Variants in GPHN observed in about 807,000 individuals in gnomAD.
GPHN encodes gephyrin.
In GPHN, 17 loss-of-function variants were observed where a neutral mutation model predicts 95.5. The ratio of observed to expected loss-of-function variants is 0.18; its 90% confidence interval spans 0.12 to 0.27. GPHN has a LOEUF of 0.27. Among genes scored for constraint, GPHN ranks in the 10% least tolerant of loss-of-function variants. The pLI is 1.00. For synonymous variants in GPHN, 320 were observed against 322.5 expected, an observed-to-expected ratio of 0.99 and a Z score of 0.08; for missense variants, 660 against 978.1, an observed-to-expected ratio of 0.67 and a Z score of 4.34.
chr14:67,414,212 T>C, the GPHN span, among the ~76,000 whole-genome samples: 8 of 152,142 alleles, frequency 5.3e-5, no homozygotes, highest in African/African-American at 1.9e-4. Flanking sequence ...GGGAAAGAGA[T>C]GGATACCTTC....
the GPHN span, among the ~76,000 whole-genome samples, chr14:67,674,000 G>T: frequency 6.6e-6 from 1 of 152,190 alleles, no homozygotes; most frequent in East Asian, 1.9e-4. Flanking sequence ...TCCTCTGTCA[G>T]TCTGGTGAAA....
the GPHN span, among the ~76,000 whole-genome samples, chr14:67,437,551 C>T: frequency 7.2e-5 from 11 of 152,050 alleles, no homozygotes; most frequent in South Asian, 2.1e-4. Context: ...GGCGGCTGTA[C>T]GTCTGAGAAT....
At chr14:66,524,614 A>G (rs1026406725) in intron 1 of GPHN, among the ~76,000 whole-genome samples, 4 of 152,090 alleles carry the variant, frequency 2.6e-5, no homozygotes, top group Non-Finnish European at 5.9e-5. Flanking sequence ...TGTCATCTAC[A>G]TTAGGTATTT....
the GPHN span, among the ~76,000 whole-genome samples, chr14:67,371,876 CAATT>C: frequency 1.1e-4 from 16 of 152,032 alleles, no homozygotes; most frequent in Admixed American, 5.9e-4. Flanking sequence ...ATAGATAAAA[CAATT>C]AATATGTTTT....
At chr14:67,668,606 T>C in the GPHN span, among the ~76,000 whole-genome samples, 1 of 146,738 alleles carries the variant, frequency 6.8e-6, no homozygotes, top group Non-Finnish European at 1.5e-5. Context: ...CCAATAGGTA[T>C]CTATGAAGCA....
At chr14:67,404,977 T>A in the GPHN span, among the ~76,000 whole-genome samples, 1 of 152,048 alleles carries the variant, frequency 6.6e-6, no homozygotes, top group Non-Finnish European at 1.5e-5. Flanking sequence ...CTCACACCTG[T>A]AATCCCAGAA....
At chr14:66,592,542 T>C (rs12233063) in intron 1 of GPHN, among the ~76,000 whole-genome samples, 6 of 150,614 alleles carry the variant, frequency 4.0e-5, no homozygotes, top group Admixed American at 4.0e-4. Flanking sequence ...CCAAAAAACA[T>C]ATGAAAAAAG....
chr14:67,389,303 A>G, the GPHN span, among the ~76,000 whole-genome samples: 1 of 152,090 alleles, frequency 6.6e-6, no homozygotes, highest in East Asian at 1.9e-4. Flanking sequence ...CCCAGCCTGG[A>G]GGGTTCAAGG....
Position 66,658,883 on chromosome 14 carries a change from C to CT in GPHN, c.65-22213dup, listed in dbSNP as rs774854250. ...TTCTCTTTGTCAGTCTTAGAGGCAG[C>CT]TTTTTTTTTTTAAGATCCAGCTTTT... On this transcript the variant is annotated intron_variant, in intron 1 of 22. Transcript: ENST00000478722. 5.5e-3 allele frequency among the ~76,000 whole-genome samples: 782 copies of CT among 141,494 alleles called. 13 individuals are homozygous for CT. The highest frequency in any genetic ancestry group is 0.014 in the African/African-American group (553 of 39,172). The allele number at this position is 141,494 out of a possible 152,430, so 92.8% of individuals were successfully genotyped here. A position where few individuals can be genotyped will look rare whatever the true frequency, so the allele number is the denominator to read the frequency against.
chr14:66,755,189 A>T (rs1459124504), intron 2 of GPHN, among the ~76,000 whole-genome samples: 1 of 152,134 alleles, frequency 6.6e-6, no homozygotes, highest in African/African-American at 2.4e-5. Context: ...GGTATCAGGT[A>T]AAGTTCATGC....
At chr14:67,174,602 G>C (rs1042060320) in intron 21 of GPHN, among the ~76,000 whole-genome samples, 1 of 152,134 alleles carries the variant, frequency 6.6e-6, no homozygotes, top group Non-Finnish European at 1.5e-5. Flanking sequence ...ACCCAGTAAT[G>C]GGATGGCTGG....
At chr14:67,224,097 C>A in the GPHN span, 1 of 756,114 alleles carries the variant, frequency 1.3e-6, no homozygotes, top group Non-Finnish European at 1.6e-6. Flanking sequence ...ATCTCTCAAA[C>A]CTCTCAGCAG....
intron 19 of GPHN, 33 bp downstream of exon 19, chr14:67,159,521 G>T (rs1268448593): frequency 5.4e-6 from 7 of 1,301,860 alleles, no homozygotes; most frequent in South Asian, 2.4e-5. Flanking sequence ...TCATATATGG[G>T]GTTGGTTTGG....
chr14:67,279,712 C>T, the GPHN span: 1 of 541,878 alleles, frequency 1.8e-6, no homozygotes, highest in Non-Finnish European at 3.0e-6. Context: ...CTGTTACCAA[C>T]ATAGAGCTAA....
Position 66,530,998 on chromosome 14 carries a change from C to T in GPHN, c.64+22407C>T, listed in dbSNP as rs150980522. ...TGATACGGAGTCTCTCTCTGTTCCC[C>T]AGACTGGAGTGCAGTGGTGCTATCT... On this transcript the variant is annotated intron_variant, in intron 1 of 22. Coordinates refer to ENST00000478722, the MANE Select transcript of GPHN (RefSeq NM_020806.5). Among the ~76,000 whole-genome samples the T allele has an allele frequency of 2.4e-3, 354 of 148,676 alleles. 9 individuals carry two copies. The highest frequency in any genetic ancestry group is 0.018 in the East Asian group (90 of 5,028).
intron 3 of GPHN, among the ~76,000 whole-genome samples, chr14:66,801,134 AC>A (rs2060333040): frequency 6.6e-6 from 1 of 151,646 alleles, no homozygotes; most frequent in South Asian, 2.1e-4. Flanking sequence ...TTTATTCAAC[AC>A]AGCTATTTTG....
At chr14:67,201,612 G>A in the GPHN span, 1 of 448,256 alleles carries the variant, frequency 2.2e-6, no homozygotes, top group African/African-American at 2.0e-5. Flanking sequence ...TCACTGGCAA[G>A]GGGTGTGGAG....
the GPHN span, among the ~76,000 whole-genome samples, chr14:67,609,541 A>AT: frequency 6.6e-6 from 1 of 152,154 alleles, no homozygotes; most frequent in South Asian, 2.1e-4. Flanking sequence ...CCCTTCCTGA[A>AT]GATGTGTGTG....
chr14:67,441,267 T>C, the GPHN span, among the ~76,000 whole-genome samples: 1 of 152,184 alleles, frequency 6.6e-6, no homozygotes, highest in South Asian at 2.1e-4. Context: ...AAATGTCATT[T>C]CCTGGGGGCT....
Sources: gnomAD v4.1 joint callset for allele counts (sites outside exome capture counted in the v4.1 genomes callset) on GRCh38, gnomAD v4.1.1 for gene constraint, MANE v1.5 for transcripts, NCBI Gene and HGNC (gene_info 2026-07-23, HGNC 2026-07-21) for gene names.